The following PLXND1 variants were observed in gnomAD, a reference collection of about 807,000 sequenced individuals.
The protein encoded by PLXND1 is plexin D1, also known as plexin-D1.
A neutral mutation model predicts 197.7 loss-of-function variants in PLXND1; 54 were observed. That is an observed-to-expected ratio of 0.27 (90% CI 0.22 to 0.34). The LOEUF is 0.34. Ranked by LOEUF, PLXND1 falls within the 10% of genes least tolerant of loss-of-function variation. The pLI, the probability that PLXND1 is intolerant of heterozygous loss-of-function variation, is 1.00. For synonymous variants in PLXND1, 1,180 were observed against 1,161.2 expected, an observed-to-expected ratio of 1.02 and a Z score of -0.33; for missense variants, 2,127 against 2,699.2, an observed-to-expected ratio of 0.79 and a Z score of 4.70.
chr3:129,570,755 T>A, intron 19 of PLXND1, 31 bp downstream of exon 19: 6 of 1,610,746 alleles, frequency 3.7e-6, no homozygotes, highest in Non-Finnish European at 3.4e-6. Context: ...TGGGGCCAGG[T>A]CTGCCCTGCT....
chr3:129,605,483 G>A lies in PLXND1; in HGVS notation c.1157C>T (p.Ala386Val). 3 of 1,497,596 alleles carry A rather than the reference G, an allele frequency of 2.0e-6. No homozygotes were observed. Among genetic ancestry groups the A allele is most frequent in the Non-Finnish European group, 2.7e-6 (3 of 1,131,074 alleles). The allele number at this position is 1,497,596 out of a possible 1,614,324, so 92.8% of individuals were successfully genotyped here. ...GGCGAAGCGGAAGGCGCAGAGTGCGGCCGGAGCAGCGCGGGCCGCGGGGGA... is the reference window on the plus strand; with the variant it reads ...GGCGAAGCGGAAGGCGCAGAGTGCGACCGGAGCAGCGCGGGCCGCGGGGGA... ...QGSPAARAAP[A>V]ALCAFRFADV... The change falls in exon 1 of 36, where the codon GCC (alanine) becomes GTC (valine). Residue 386 changes from alanine (A) to valine (V), a missense_variant. By Grantham distance (64) the Ala-to-Val change is moderately conservative. Around this residue, in one of 6 missense-constraint regions of PLXND1, gnomAD observed 1,095 missense variants for 1,259.8 expected, o/e 0.87. Transcript: ENST00000324093.
At position 129,586,661 on chromosome 3, in the gene PLXND1, C is replaced by A; in HGVS notation, c.1547G>T (p.Gly516Val). ...CTGCATGACATGGTGCACGGGCTCC[C>A]CATAGGCCACAGTCACCACCCGCCT... Reference protein sequence around the residue: ...VSRRVVTVAYGEPVHHVMQFD... With the variant: ...VSRRVVTVAYVEPVHHVMQFD... Residue 516 changes from glycine to valine, a missense_variant, in exon 3 of 36, where the codon GGG becomes GTG. Physicochemically the swap from Gly to Val is moderately radical, Grantham distance 109 (BLOSUM62 -3). This residue lies in a region of PLXND1 where 1,095 missense variants were observed against 1,259.8 expected (regional missense o/e 0.87). Coordinates refer to ENST00000324093, the MANE Select transcript of PLXND1 (RefSeq NM_015103.3). The A allele has an allele frequency of 6.3e-7, 1 of 1,588,338 alleles. No individual in the cohort carries two copies. The highest frequency in any genetic ancestry group is 1.1e-5 in the South Asian group (1 of 86,958).
At chr3:129,597,484 C>CA (rs2085642894) in intron 1 of PLXND1, among the ~76,000 whole-genome samples, 3 of 148,074 alleles carry the variant, frequency 2.0e-5, no homozygotes, top group South Asian at 2.2e-4. Flanking sequence ...TGCCTGCGGG[C>CA]CCCCCCCCAT....
Position 129,570,626 on chromosome 3 carries a change from C to T in PLXND1, c.3750+160G>A, listed in dbSNP as rs1047450778. 5.6e-6 allele frequency: 4 copies of T among 714,564 alleles called. No homozygotes were observed. The African/African-American group carries it at 7.1e-5, about 13-fold the overall frequency. 44.3% of individuals were successfully genotyped at this position (714,564 alleles called of 1,614,324 possible). On this transcript the variant is annotated intron_variant, in intron 19 of 35. Coordinates refer to ENST00000324093, the MANE Select transcript of PLXND1 (RefSeq NM_015103.3). ...CACTAAGTTCTTGGGCCTCAGTTTC[C>T]TCATATGTCAAGTGGGGATGTAAAG...
rs772332815 is a variant in PLXND1, at chr3:129,575,849, C to T, written c.2353G>A (p.Ala785Thr). The T allele has an allele frequency of 1.2e-6, 2 of 1,609,438 alleles. No individual in the cohort carries two copies. Among genetic ancestry groups the T allele is most frequent in the Non-Finnish European group, 1.7e-6 (2 of 1,176,176 alleles). ...TCCAGCCCAAAACTACACTCCAGGG[C>T]TGCACCCTGTGGGAAACAGGGAGTG... ...LANTAFFQGA[A>T]LECSFGLEEI... Residue 785 changes from alanine to threonine, a missense_variant, in exon 10 of 36, where the codon GCC becomes ACC. Ala to Thr is a moderately conservative substitution (Grantham distance 58). Transcript: ENST00000324093.
intron 2 of PLXND1, 41 bp downstream of exon 2, chr3:129,589,310 T>TGCCCCCCCCCCCCCCCCCCCCCCCCCCCC: frequency 8.0e-6 from 4 of 501,290 alleles, no homozygotes; most frequent in Admixed American, 2.8e-5. Flanking sequence ...CAGGGGAGCC[T>TGCCCCCCCCCCCCCCCCCCCCCCCCCCCC]CCCACCCCCA....
Position 129,565,347 on chromosome 3 carries a change from C to T in PLXND1, c.4514G>A (p.Cys1505Tyr), listed in dbSNP as rs746397734. ...GTCCCCAGGCAGCCTCACCCGCAGA[C>T]AGCTGTACATGCAGATGGACATCCA... ...TNWMSICMYS[C>Y]LRETVGEPFF... The change falls in exon 25 of 36, where the codon TGT becomes TAT. Residue 1505 changes from cysteine to tyrosine, a missense_variant. Cys to Tyr is a radical substitution (Grantham distance 194, BLOSUM62 -2). Coordinates refer to ENST00000324093, the MANE Select transcript of PLXND1 (RefSeq NM_015103.3). 1 of 1,613,672 alleles carries T rather than the reference C, an allele frequency of 6.2e-7. No individual in the cohort carries two copies. Among genetic ancestry groups the T allele is most frequent in the Non-Finnish European group, 8.5e-7 (1 of 1,179,716 alleles).
rs1475900601 is a variant in PLXND1 at position 129,605,487 on chromosome 3, G to C, written c.1153C>G (p.Pro385Ala). ...PQGSPAARAA[P>A]AALCAFRFAD... Reference sequence around the variant, plus strand: ...AAGCGGAAGGCGCAGAGTGCGGCCGGAGCAGCGCGGGCCGCGGGGGACCCC... The same window carrying C: ...AAGCGGAAGGCGCAGAGTGCGGCCGCAGCAGCGCGGGCCGCGGGGGACCCC... Residue 385 changes from proline to alanine, a missense_variant, in exon 1 of 36, where the codon CCG (proline) becomes GCG (alanine). By Grantham distance (27) the Pro-to-Ala change is conservative (BLOSUM62 -1). This residue lies in a region of PLXND1 where 1,095 missense variants were observed against 1,259.8 expected (regional missense o/e 0.87). Transcript: ENST00000324093. The C allele has an allele frequency of 2.0e-6, 3 of 1,494,812 alleles. No individual in the cohort carries two copies. The highest frequency in any genetic ancestry group is 2.7e-6 in the Non-Finnish European group (3 of 1,131,040). 92.6% of individuals were successfully genotyped at this position (1,494,812 alleles called of 1,614,324 possible).
At chr3:129,586,811 C>T in intron 2 of PLXND1, 92 bp from the exon 3 acceptor site, 2 of 1,437,046 alleles carry the variant, frequency 1.4e-6, no homozygotes, top group Non-Finnish European at 1.9e-6. Context: ...GGGGCTCTGC[C>T]TCCCCATCCT....
intron 1 of PLXND1, among the ~76,000 whole-genome samples, chr3:129,593,172 C>A (rs1452651681): frequency 6.6e-6 from 1 of 152,168 alleles, no homozygotes; most frequent in African/African-American, 2.4e-5. Context: ...CAGCTCCTGG[C>A]TGTCCTCGGG....
intron 17 of PLXND1, 65 bp from the exon 18 acceptor site, chr3:129,571,368 G>A (rs1469433295): frequency 1.3e-6 from 2 of 1,568,738 alleles, no homozygotes; most frequent in African/African-American, 2.7e-5. Flanking sequence ...TGGAGAAACG[G>A]TGGGGAGTGG....
At chr3:129,575,243 G>C (rs1052458195) in intron 11 of PLXND1, among the ~76,000 whole-genome samples, 2 of 150,172 alleles carry the variant, frequency 1.3e-5, no homozygotes, top group East Asian at 3.9e-4. Context: ...TTTCCTATGG[G>C]GACGATCAGG....
intron 1 of PLXND1, among the ~76,000 whole-genome samples, chr3:129,597,619 A>G (rs531361358): frequency 1.3e-4 from 20 of 152,358 alleles, no homozygotes; most frequent in African/African-American, 4.1e-4. Flanking sequence ...TTCAGGGTAA[A>G]GGACGGTGGA....
intron 19 of PLXND1, among the ~76,000 whole-genome samples, chr3:129,570,264 C>T (rs1379305471): frequency 6.6e-6 from 1 of 152,124 alleles, no homozygotes; most frequent in Non-Finnish European, 1.5e-5. Context: ...TGGCTGCTGT[C>T]CCCAAGTATC....
rs2085214370 is a variant in PLXND1 at position 129,570,874 on chromosome 3, C to T, written c.3662G>A (p.Ser1221Asn). 1.2e-6 allele frequency: 2 copies of T among 1,614,208 alleles called. No individual in the cohort carries two copies. The highest frequency in any genetic ancestry group is 2.7e-5 in the African/African-American group (2 of 75,066). ...HEYRVKIGQVSCDIQIVSDRI... is the reference protein window; with the variant it reads ...HEYRVKIGQVNCDIQIVSDRI... The stretch of plus-strand genomic sequence containing the variant: ...GTCAGAGACAATCTGGATGTCGCAG[C>T]TTACTTGGCCTATCTTGACCCGGTA... The change falls in exon 19 of 36, where the codon AGC becomes AAC. Residue 1221 changes from serine to asparagine, a missense_variant. Coordinates refer to ENST00000324093, the MANE Select transcript of PLXND1 (RefSeq NM_015103.3).
intron 1 of PLXND1, among the ~76,000 whole-genome samples, chr3:129,592,620 C>A (rs1334604759): frequency 6.6e-6 from 1 of 152,038 alleles, no homozygotes; most frequent in Non-Finnish European, 1.5e-5. Flanking sequence ...GCTCCCCCCT[C>A]CCCCACCCCG....
chr3:129,594,120 A>G (rs767820728), intron 1 of PLXND1, among the ~76,000 whole-genome samples: 1 of 152,238 alleles, frequency 6.6e-6, no homozygotes, highest in Non-Finnish European at 1.5e-5. Context: ...GCGCTGCGGC[A>G]GGTTGCAAAA....
chr3:129,558,739 C>A lies in PLXND1; in HGVS notation c.5298-164G>T. ...CCTTAGTTTGCCTATCCCTGGCCAG[C>A]TGGGGTGCAGTGGGGCTGAGAGCCC... On this transcript the variant is annotated intron_variant, in intron 32 of 35. Transcript: ENST00000324093. The surrounding 1 kb of genome is among the most constrained non-coding windows in gnomAD (Gnocchi z 4.1). 1 of 664,962 alleles carries A rather than the reference C, an allele frequency of 1.5e-6. No individual in the cohort carries two copies. The highest frequency in any genetic ancestry group is 1.9e-5 in the South Asian group (1 of 51,802). 41.2% of individuals were successfully genotyped at this position (664,962 alleles called of 1,614,324 possible). A position where few individuals can be genotyped will look rare whatever the true frequency, so the allele number is the denominator to read the frequency against.
chr3:129,567,484 G>T lies in PLXND1; in HGVS notation c.4086+8C>A. The T allele has an allele frequency of 6.5e-7, 1 of 1,543,798 alleles. No individual in the cohort carries two copies. Among genetic ancestry groups the T allele is most frequent in the East Asian group, 2.3e-5 (1 of 43,432 alleles). ...ACAGGTTCAGGGCAGGCTCAGGCTC[G>T]GGCTGACCTTGGGGAAGAAGGTGCG... On this transcript the variant is annotated splice_region_variant and intron_variant, in intron 22 of 35. Coordinates refer to ENST00000324093, the MANE Select transcript of PLXND1 (RefSeq NM_015103.3).
Sources: allele counts gnomAD v4.1 joint callset (sites outside exome capture counted in the v4.1 genomes callset), GRCh38; gene constraint gnomAD v4.1.1; regional missense constraint gnomAD v4.1.1; non-coding constraint Gnocchi (gnomAD v3.1); transcripts MANE v1.5; gene names NCBI Gene and HGNC (gene_info 2026-07-23, HGNC 2026-07-21).